The following TPD52L1 variants were observed in gnomAD, a reference collection of about 807,000 sequenced individuals.
TPD52L1 encodes the protein tumor protein D53.
Under a neutral mutation model 28.7 loss-of-function variants are expected in TPD52L1, and 18 were observed. The observed-to-expected ratio is 0.63, with a 90% CI of 0.43 to 0.93. The LOEUF (loss-of-function observed/expected upper bound fraction) is 0.93, where lower values mean the gene tolerates loss of function less well. Ranked by LOEUF, TPD52L1 falls within the 40% of genes least tolerant of loss-of-function variation. The pLI is 0.00. For synonymous variants in TPD52L1, 75 were observed against 88.8 expected (o/e 0.84, Z 0.88); for missense variants, 203 against 254.8 (o/e 0.80, Z 1.39).
intron 3 of TPD52L1, among the ~76,000 whole-genome samples, chr6:125,246,527 A>G (rs1796934064): frequency 6.6e-6 from 1 of 152,126 alleles, no homozygotes; most frequent in Non-Finnish European, 1.5e-5. Context: ...ATAATATTTG[A>G]TTTCATGTAT....
chr6:125,214,368 G>C (rs1481433882), intron 1 of TPD52L1: 2 of 693,280 alleles, frequency 2.9e-6, no homozygotes, highest in Admixed American at 6.3e-5. Flanking sequence ...AGAAAGGTGG[G>C]ACATACACAT....
chr6:125,229,099 T>C lies in TPD52L1; in HGVS notation c.136-19T>C. On this transcript the variant is annotated intron_variant, in intron 2 of 6. Transcript: ENST00000534000. ...GCTGGTCTGACATTTTCCCCCACCA[T>C]TTCCCCTCCGCCTTGTAGCTAGAAG... is the stretch of plus-strand genomic sequence containing the variant. 1 of 1,607,022 alleles carries C rather than the reference T, an allele frequency of 6.2e-7. No homozygotes were observed. Among genetic ancestry groups the C allele is most frequent in the Non-Finnish European group, 8.5e-7 (1 of 1,177,192 alleles).
At chr6:125,236,601 C>T (rs375712510) in intron 3 of TPD52L1, among the ~76,000 whole-genome samples, 1 of 152,134 alleles carries the variant, frequency 6.6e-6, no homozygotes, top group Non-Finnish European at 1.5e-5. Context: ...TGTAAGAATT[C>T]TTGAAGAAAT....
chr6:125,251,015 A>G (rs1797232662), intron 4 of TPD52L1, among the ~76,000 whole-genome samples: 1 of 152,240 alleles, frequency 6.6e-6, no homozygotes, highest in Non-Finnish European at 1.5e-5. Flanking sequence ...AAATGAGAAT[A>G]ACTCTTTGTG....
At chr6:125,212,132 A>G (rs1044408536) in intron 1 of TPD52L1, among the ~76,000 whole-genome samples, 1 of 152,180 alleles carries the variant, frequency 6.6e-6, no homozygotes, top group African/African-American at 2.4e-5. Flanking sequence ...ATTTTTACCA[A>G]ACATCATGAA....
chr6:125,209,206 C>T (rs1439571729), intron 1 of TPD52L1, among the ~76,000 whole-genome samples: 4 of 152,190 alleles, frequency 2.6e-5, no homozygotes, highest in Non-Finnish European at 4.4e-5. Flanking sequence ...TAGGTTCCAG[C>T]GTGGCCTATG....
At chr6:125,193,933 C>A (rs1187460124) in intron 1 of TPD52L1, among the ~76,000 whole-genome samples, 1 of 151,366 alleles carries the variant, frequency 6.6e-6, no homozygotes, top group Non-Finnish European at 1.5e-5. Flanking sequence ...TTTCTTGAGG[C>A]TAACACTGAT....
intron 1 of TPD52L1, among the ~76,000 whole-genome samples, chr6:125,204,266 G>A (rs545603455): frequency 4.6e-5 from 7 of 152,120 alleles, no homozygotes; most frequent in Non-Finnish European, 7.4e-5. Flanking sequence ...GCTAGACCCT[G>A]GCTTAATGTA....
intron 1 of TPD52L1, among the ~76,000 whole-genome samples, chr6:125,177,449 A>G (rs1034356433): frequency 4.6e-5 from 7 of 152,144 alleles, no homozygotes; most frequent in African/African-American, 1.7e-4. Context: ...GTTGGAGAGG[A>G]CTTAATGAAT....
In TPD52L1 at chr6:125,206,677, A is replaced by G. The variant is rs1037663247; in HGVS notation, c.20-13401A>G. Among the ~76,000 whole-genome samples the G allele has an allele frequency of 2.6e-5, 4 of 152,340 alleles. No individual in the cohort carries two copies. The East Asian group carries it at 7.7e-4, about 29-fold the overall frequency. On this transcript the variant is annotated intron_variant, in intron 1 of 6. Coordinates refer to ENST00000534000, the MANE Select transcript of TPD52L1 (RefSeq NM_003287.4). ...CAGCTATGGAGGACTTTGAATGATT[A>G]TATAAGAATTTTCAAATCTACGCCA...
At chr6:125,214,192 T>C (rs1562298101) in intron 1 of TPD52L1, among the ~76,000 whole-genome samples, 1 of 152,148 alleles carries the variant, frequency 6.6e-6, no homozygotes. Flanking sequence ...GGGCTTCCCA[T>C]TGGCCAAGGG....
chr6:125,187,062 A>G (rs1003918038), intron 1 of TPD52L1, among the ~76,000 whole-genome samples: 1 of 152,228 alleles, frequency 6.6e-6, no homozygotes, highest in Non-Finnish European at 1.5e-5. Context: ...CATTGCATAT[A>G]CCAGTTAATA....
intron 2 of TPD52L1, among the ~76,000 whole-genome samples, chr6:125,222,797 C>A (rs570292168): frequency 7.9e-5 from 12 of 152,262 alleles, no homozygotes; most frequent in Middle Eastern, 6.8e-3. Flanking sequence ...GAGAAGACCT[C>A]TTTTATTATA....
intron 4 of TPD52L1, among the ~76,000 whole-genome samples, chr6:125,248,854 C>A (rs1186259048): frequency 1.3e-5 from 2 of 152,018 alleles, no homozygotes; most frequent in African/African-American, 4.8e-5. Flanking sequence ...ATATACACTT[C>A]TGGTAGTTTT....
At chr6:125,237,273 A>G (rs574220651) in intron 3 of TPD52L1, among the ~76,000 whole-genome samples, 2 of 152,272 alleles carry the variant, frequency 1.3e-5, no homozygotes, top group South Asian at 4.1e-4. Context: ...AAGGGACTGT[A>G]GAAGGATAAG....
chr6:125,220,206 A>G lies in TPD52L1; in HGVS notation c.135+13A>G, dbSNP rs1795144174. On this transcript the variant is annotated intron_variant, in intron 2 of 6. Transcript: ENST00000534000. ...AGAGTTAGTTCAGGTATGTTTAGTA[A>G]TCTTATTGTTGCTATTTCTATCTCT... 1 of 1,524,108 alleles carries G rather than the reference A, an allele frequency of 6.6e-7. No homozygotes were observed. Among genetic ancestry groups the G allele is most frequent in the Non-Finnish European group, 9.1e-7 (1 of 1,098,694 alleles). 94.4% of individuals were successfully genotyped at this position (1,524,108 alleles called of 1,614,324 possible).
At chr6:125,238,778 G>A (rs1796437908) in intron 3 of TPD52L1, among the ~76,000 whole-genome samples, 1 of 152,110 alleles carries the variant, frequency 6.6e-6, no homozygotes, top group Non-Finnish European at 1.5e-5. Flanking sequence ...AGTAGTTTTG[G>A]CCTTAAAAAC....
chr6:125,241,271 A>G (rs1160891786), intron 3 of TPD52L1, among the ~76,000 whole-genome samples: 2 of 151,698 alleles, frequency 1.3e-5, no homozygotes, highest in African/African-American at 4.8e-5. Flanking sequence ...CATCAGGGAT[A>G]TGTTTTCTTT....
At chr6:125,212,535 C>T (rs1030114956) in intron 1 of TPD52L1, among the ~76,000 whole-genome samples, 2 of 152,198 alleles carry the variant, frequency 1.3e-5, no homozygotes, top group African/African-American at 2.4e-5. Context: ...TGTGTGGATG[C>T]CAATGAGTGA....
Sources: allele counts gnomAD v4.1 joint callset (sites outside exome capture counted in the v4.1 genomes callset), GRCh38; gene constraint gnomAD v4.1.1; transcripts MANE v1.5; gene names NCBI Gene and HGNC (gene_info 2026-07-23, HGNC 2026-07-21).